CNTN6: variants seen among roughly 807,000 people sequenced by gnomAD.
CNTN6 encodes the protein contactin 6.
A neutral mutation model predicts 122.8 loss-of-function variants in CNTN6; 137 were observed. That is an observed-to-expected ratio of 1.12 (90% CI 0.97 to 1.29). CNTN6 has a LOEUF of 1.29. Among genes scored for constraint, CNTN6 ranks in the 50% most tolerant of loss-of-function variants. The pLI is 0.00. For missense variants in CNTN6, 1,634 were observed against 1,223.4 expected (o/e 1.34, Z -5.01); for synonymous variants, 570 against 426.0 (o/e 1.34, Z -4.16).
At chr3:1,103,152 G>C (rs2091038967) in intron 1 of CNTN6, among the ~76,000 whole-genome samples, 1 of 152,110 alleles carries the variant, frequency 6.6e-6, no homozygotes, top group African/African-American at 2.4e-5. Flanking sequence ...GTTGTGCTGA[G>C]ATGAAAAAGT....
chr3:1,142,247 A>T (rs1364335125), intron 1 of CNTN6, among the ~76,000 whole-genome samples: 1 of 152,074 alleles, frequency 6.6e-6, no homozygotes, highest in Admixed American at 6.6e-5. Context: ...TTCTGAACCA[A>T]ACAAAGAAAC....
chr3:1,171,476 T>G (rs745870979), intron 2 of CNTN6, among the ~76,000 whole-genome samples: 3 of 152,222 alleles, frequency 2.0e-5, no homozygotes, highest in Non-Finnish European at 4.4e-5. Context: ...TGTGAGCCTG[T>G]AGATGTTTAG....
At chr3:1,104,664 A>G (rs534205741) in intron 1 of CNTN6, among the ~76,000 whole-genome samples, 37 of 152,274 alleles carry the variant, frequency 2.4e-4, no homozygotes, top group African/African-American at 8.7e-4. Context: ...TATTATTACA[A>G]AATTTGGAGA....
Position 1,403,412 on chromosome 3 carries a change from T to C in CNTN6, c.3081T>C (p.Leu1027=). The change falls in exon 23 of 23, where the codon CTT becomes CTC. Residue 1027 remains leucine (L), a synonymous_variant. Coordinates refer to ENST00000446702, the MANE Select transcript of CNTN6 (RefSeq NM_001289080.2). ...TTCACTGTTTTGCTATTCAGCCACT[T>C]ATCTGATGAATAAAACCATAAATCT... ...VIFHCFAIQP[L]I 1 of 1,589,724 alleles carries C rather than the reference T, an allele frequency of 6.3e-7. No homozygotes were observed. Among genetic ancestry groups the C allele is most frequent in the Non-Finnish European group, 8.6e-7 (1 of 1,158,992 alleles).
At chr3:1,356,237 G>A (rs973789124) in intron 12 of CNTN6, among the ~76,000 whole-genome samples, 1 of 151,770 alleles carries the variant, frequency 6.6e-6, no homozygotes, top group African/African-American at 2.4e-5. Flanking sequence ...GATCTTGTTT[G>A]CAGGCAACAT....
chr3:1,225,269 G>A (rs1276050901), intron 3 of CNTN6, among the ~76,000 whole-genome samples: 4 of 152,130 alleles, frequency 2.6e-5, no homozygotes, highest in African/African-American at 9.7e-5. Flanking sequence ...ACAATCATTT[G>A]AATTCATTAA....
At chr3:1,175,173 G>A (rs531821303) in intron 2 of CNTN6, among the ~76,000 whole-genome samples, 7 of 134,606 alleles carry the variant, frequency 5.2e-5, no homozygotes, top group East Asian at 4.0e-4. Flanking sequence ...CCCAGACTAC[G>A]GTGAGTACCA....
intron 4 of CNTN6, among the ~76,000 whole-genome samples, chr3:1,241,426 G>A (rs1467273927): frequency 6.6e-6 from 1 of 151,986 alleles, no homozygotes; most frequent in African/African-American, 2.4e-5. Flanking sequence ...CTTGTGGTGA[G>A]GGGTGATATT....
Position 1,321,842 on chromosome 3 carries a change from A to G in CNTN6, c.946+8A>G, listed in dbSNP as rs1201945127. The G allele has an allele frequency of 6.3e-7, 1 of 1,592,150 alleles. No individual in the cohort carries two copies. Among genetic ancestry groups the G allele is most frequent in the Non-Finnish European group, 8.5e-7 (1 of 1,170,222 alleles). On this transcript the variant is annotated splice_region_variant and intron_variant, in intron 8 of 22. Transcript: ENST00000446702. ...GTCAACTCATTTTTTATGGTGAGCT[A>G]ATTGGATTTCAAATATATATAAAAT...
Position 1,233,734 on chromosome 3 carries a change from C to CAAAAAAAAAAAA in CNTN6, c.358+5754_358+5765dup, listed in dbSNP as rs1166507455. On this transcript the variant is annotated intron_variant, in intron 4 of 22. Coordinates refer to ENST00000446702, the MANE Select transcript of CNTN6 (RefSeq NM_001289080.2). ...TGGGCAACAGAACGAGACTCTGTCTCAAAAAAAAAAAAAAAAAAAAAAAAG... is the reference window on the plus strand; with the variant it reads ...TGGGCAACAGAACGAGACTCTGTCTCAAAAAAAAAAAAAAAAAAAAAAAAAAAAAAAAAAAAG... Among the ~76,000 whole-genome samples, 98 of 52,148 alleles carry CAAAAAAAAAAAA rather than the reference C, an allele frequency of 1.9e-3. 5 individuals carry two copies. Among genetic ancestry groups the CAAAAAAAAAAAA allele is most frequent in the African/African-American group, 8.3e-3 (96 of 11,584 alleles). 34.2% of individuals were successfully genotyped at this position (52,148 alleles called of 152,430 possible).
chr3:1,335,456 G>A (rs1289822154), intron 11 of CNTN6, among the ~76,000 whole-genome samples: 1 of 151,996 alleles, frequency 6.6e-6, no homozygotes, highest in African/African-American at 2.4e-5. Context: ...TTTTCCTTGT[G>A]GATCTACTTA....
chr3:1,273,437 G>A (rs991466396), intron 4 of CNTN6, among the ~76,000 whole-genome samples: 3 of 152,126 alleles, frequency 2.0e-5, no homozygotes, highest in East Asian at 1.9e-4. Context: ...GAAAATATTC[G>A]CTGGATGCTT....
chr3:1,333,047 TAA>T (rs1012351983), intron 11 of CNTN6, among the ~76,000 whole-genome samples: 2 of 152,046 alleles, frequency 1.3e-5, no homozygotes, highest in African/African-American at 2.4e-5. Flanking sequence ...TTTGAATACA[TAA>T]AAAAGTTTAT....
intron 2 of CNTN6, among the ~76,000 whole-genome samples, chr3:1,186,332 T>G (rs2093627535): frequency 6.6e-6 from 1 of 152,090 alleles, no homozygotes; most frequent in South Asian, 2.1e-4. Flanking sequence ...TATCGTCAGC[T>G]CAAACCCGAT....
At chr3:1,148,984 G>A (rs1194333796) in intron 2 of CNTN6, among the ~76,000 whole-genome samples, 1 of 152,106 alleles carries the variant, frequency 6.6e-6, no homozygotes, top group Non-Finnish European at 1.5e-5. Context: ...GCCAACGCTT[G>A]GAACTGCTAC....
intron 1 of CNTN6, among the ~76,000 whole-genome samples, chr3:1,095,488 A>T (rs2090480637): frequency 6.6e-6 from 1 of 152,040 alleles, no homozygotes; most frequent in African/African-American, 2.4e-5. Flanking sequence ...CAAACAAACA[A>T]ACAGAAAACA....
intron 13 of CNTN6, 24 bp downstream of exon 13, chr3:1,372,498 G>A (rs1269406581): frequency 3.2e-6 from 5 of 1,566,512 alleles, no homozygotes; most frequent in Non-Finnish European, 4.3e-6. Context: ...ATTGTTAAGT[G>A]CTTAATAAAA....
rs1559994799 is a variant in CNTN6 at position 1,385,738 on chromosome 3, A to G, written c.2645A>G (p.Tyr882Cys). The stretch of plus-strand genomic sequence containing the variant: ...ATCTACTTTGCTTCCGTAAGAGCTT[A>G]CAACACTGCTGGGACAGGGCCCTCA... ...NTIYFASVRAYNTAGTGPSSP... is the reference protein window; with the variant it reads ...NTIYFASVRACNTAGTGPSSP... The change falls in exon 20 of 23, where the codon TAC (tyrosine) becomes TGC (cysteine). Residue 882 changes from tyrosine to cysteine, a missense_variant. Coordinates refer to ENST00000446702, the MANE Select transcript of CNTN6 (RefSeq NM_001289080.2). 1.9e-6 allele frequency: 3 copies of G among 1,614,012 alleles called. No individual in the cohort carries two copies. In the African/African-American group the frequency reaches 4.0e-5, roughly 22 times the overall value.
intron 2 of CNTN6, among the ~76,000 whole-genome samples, chr3:1,166,252 G>C (rs2093246078): frequency 6.6e-6 from 1 of 152,150 alleles, no homozygotes; most frequent in Admixed American, 6.5e-5. Context: ...GTGGGAAATA[G>C]TTCAACCTCA....
Sources: allele counts gnomAD v4.1 joint callset (sites outside exome capture counted in the v4.1 genomes callset), GRCh38; gene constraint gnomAD v4.1.1; transcripts MANE v1.5; gene names NCBI Gene and HGNC (gene_info 2026-07-23, HGNC 2026-07-21).